The following TAFA1 variants were observed in gnomAD, a reference collection of about 807,000 sequenced individuals.
The protein encoded by TAFA1 is TAFA chemokine like family member 1, also known as chemokine-like protein TAFA-1.
Under a neutral mutation model 18.5 loss-of-function variants are expected in TAFA1, and 4 were observed. The observed-to-expected ratio is 0.22, with a 90% CI of 0.11 to 0.49. The LOEUF (loss-of-function observed/expected upper bound fraction) is 0.49, where lower values mean the gene tolerates loss of function less well. Among genes scored for constraint, TAFA1 ranks in the 20% least tolerant of loss-of-function variants. TAFA1 has a pLI of 0.98. For synonymous variants in TAFA1, 56 were observed against 55.2 expected, an observed-to-expected ratio of 1.01 and a Z score of -0.06; for missense variants, 147 against 169.0, an observed-to-expected ratio of 0.87 and a Z score of 0.72.
intron 3 of TAFA1, among the ~76,000 whole-genome samples, chr3:68,515,442 A>C (rs2072906950): frequency 6.6e-6 from 1 of 152,096 alleles, no homozygotes. Context: ...TCATGTGGCC[A>C]CCTCTGTTTC....
chr3:68,024,379 C>G (rs1704766701), intron 2 of TAFA1, among the ~76,000 whole-genome samples: 1 of 152,070 alleles, frequency 6.6e-6, no homozygotes, highest in African/African-American at 2.4e-5. Flanking sequence ...ATTTTCAAAC[C>G]CTACGAGTAT....
At chr3:68,119,018 ACATCC>A (rs2065356007) in intron 2 of TAFA1, among the ~76,000 whole-genome samples, 4 of 151,398 alleles carry the variant, frequency 2.6e-5, no homozygotes, top group Non-Finnish European at 5.9e-5. Flanking sequence ...CAATTTTTCC[ACATCC>A]TTGCCAAAAC....
chr3:68,087,782 A>G (rs372015343), intron 2 of TAFA1, among the ~76,000 whole-genome samples: 9 of 152,256 alleles, frequency 5.9e-5, no homozygotes, highest in Admixed American at 2.6e-4. Context: ...CCTCTACTTC[A>G]TGAGAATTTT....
At chr3:68,261,253 A>G (rs549282159) in intron 2 of TAFA1, among the ~76,000 whole-genome samples, 2 of 152,204 alleles carry the variant, frequency 1.3e-5, no homozygotes, top group Non-Finnish European at 2.9e-5. Context: ...ATCATTAAAA[A>G]GTCAGGAAAA....
intron 2 of TAFA1, among the ~76,000 whole-genome samples, chr3:68,401,769 G>A (rs1485084706): frequency 2.0e-5 from 3 of 152,084 alleles, no homozygotes; most frequent in African/African-American, 4.8e-5. Context: ...CTTCAGTCTT[G>A]TGCCCTCTCT....
At chr3:68,115,079 C>T (rs543979689) in intron 2 of TAFA1, among the ~76,000 whole-genome samples, 1 of 152,126 alleles carries the variant, frequency 6.6e-6, no homozygotes, top group African/African-American at 2.4e-5. Flanking sequence ...AATGTCAGAA[C>T]CCCTGGTTAC....
intron 2 of TAFA1, among the ~76,000 whole-genome samples, chr3:68,259,952 T>C (rs1264444466): frequency 6.6e-6 from 1 of 151,802 alleles, no homozygotes; most frequent in Admixed American, 6.6e-5. Flanking sequence ...CTAATTGCCC[T>C]GGCCAGAACT....
intron 2 of TAFA1, among the ~76,000 whole-genome samples, chr3:68,047,411 G>A (rs1244656636): frequency 6.6e-6 from 1 of 152,174 alleles, no homozygotes; most frequent in Non-Finnish European, 1.5e-5. Flanking sequence ...TGGCATAGCA[G>A]CCAACTGAAT....
intron 2 of TAFA1, among the ~76,000 whole-genome samples, chr3:68,118,681 C>T (rs1017560779): frequency 3.9e-5 from 6 of 152,156 alleles, no homozygotes; most frequent in Non-Finnish European, 5.9e-5. Context: ...CAAGATTCAT[C>T]CATGTTGTTA....
intron 2 of TAFA1, among the ~76,000 whole-genome samples, chr3:68,260,927 A>G (rs867219916): frequency 2.0e-5 from 3 of 152,174 alleles, no homozygotes; most frequent in Non-Finnish European, 4.4e-5. Context: ...AATGGGATCT[A>G]ATTAAACTAA....
chr3:68,450,363 T>A (rs142952584), intron 3 of TAFA1, among the ~76,000 whole-genome samples: 1 of 152,188 alleles, frequency 6.6e-6, no homozygotes, highest in Non-Finnish European at 1.5e-5. Flanking sequence ...TATTTAGCAA[T>A]GTTTAACAGA....
At chr3:68,179,974 C>T (rs905299959) in intron 2 of TAFA1, among the ~76,000 whole-genome samples, 13 of 150,422 alleles carry the variant, frequency 8.6e-5, no homozygotes, top group East Asian at 5.8e-4. Context: ...CAAATTTTGA[C>T]GCTTGCATAA....
chr3:68,423,459 A>G (rs1361821626), intron 3 of TAFA1, among the ~76,000 whole-genome samples: 4 of 152,142 alleles, frequency 2.6e-5, no homozygotes, highest in Non-Finnish European at 5.9e-5. Context: ...ACTGACATGA[A>G]CACAAGTTAT....
the TAFA1 span, among the ~76,000 whole-genome samples, chr3:67,994,637 G>A: frequency 4.7e-3 from 722 of 152,200 alleles, 9 homozygotes; most frequent in African/African-American, 0.017. Flanking sequence ...CCAGGGTGTC[G>A]GCCTCATCCT....
intron 2 of TAFA1, among the ~76,000 whole-genome samples, chr3:68,252,828 T>G (rs902656769): frequency 6.6e-6 from 1 of 152,158 alleles, no homozygotes; most frequent in Non-Finnish European, 1.5e-5. Context: ...TTCCTCTGTG[T>G]TGTGGAAGGG....
intron 2 of TAFA1, among the ~76,000 whole-genome samples, chr3:68,215,623 A>G (rs1454691783): frequency 6.6e-6 from 1 of 152,082 alleles, no homozygotes; most frequent in South Asian, 2.1e-4. Context: ...ATAAGGGACG[A>G]TGAGCCATTA....
intron 3 of TAFA1, among the ~76,000 whole-genome samples, chr3:68,463,392 C>T (rs1362814469): frequency 6.6e-6 from 1 of 152,144 alleles, no homozygotes; most frequent in Non-Finnish European, 1.5e-5. Flanking sequence ...AACTAAGATG[C>T]TGTCACTTAT....
intron 2 of TAFA1, among the ~76,000 whole-genome samples, chr3:68,070,556 AG>A (rs2064741464): frequency 6.6e-6 from 1 of 152,232 alleles, no homozygotes; most frequent in African/African-American, 2.4e-5. Flanking sequence ...TTTGGCTCCT[AG>A]TTACTTATGT....
At chr3:68,187,019 A>G (rs1006825358) in intron 2 of TAFA1, among the ~76,000 whole-genome samples, 5 of 151,872 alleles carry the variant, frequency 3.3e-5, no homozygotes, top group Admixed American at 2.6e-4. Context: ...TATCCATCCC[A>G]TCTTTAAGTT....
Sources: allele counts gnomAD v4.1 joint callset (sites outside exome capture counted in the v4.1 genomes callset), GRCh38; gene constraint gnomAD v4.1.1; transcripts MANE v1.5; gene names NCBI Gene and HGNC (gene_info 2026-07-23, HGNC 2026-07-21).